Variants in SCARA5 observed in about 807,000 individuals in gnomAD.
SCARA5 encodes the protein scavenger receptor class A, member 5 (putative).
SCARA5 carries 45 observed loss-of-function variants against 46.3 expected under a neutral mutation model. The ratio of observed to expected loss-of-function variants is 0.97; its 90% CI spans 0.76 to 1.24. The LOEUF is 1.24. SCARA5 is among the 50% of genes most tolerant of loss of function. SCARA5 has a pLI of 0.00. For synonymous variants in SCARA5, 333 were observed against 306.5 expected (o/e 1.09, Z -0.90); for missense variants, 680 against 689.0 (o/e 0.99, Z 0.15).
chr8:27,975,563 G>A (rs1468592070), intron 2 of SCARA5, among the ~76,000 whole-genome samples: 1 of 152,196 alleles, frequency 6.6e-6, no homozygotes, highest in African/African-American at 2.4e-5. Flanking sequence ...AATTGAACCA[G>A]AGGACACCCA....
At chr8:27,898,533 C>T (rs1234528481) in intron 7 of SCARA5, among the ~76,000 whole-genome samples, 1 of 152,200 alleles carries the variant, frequency 6.6e-6, no homozygotes, top group African/African-American at 2.4e-5. Context: ...ATCTCCAGCT[C>T]CCAGCCAGAG....
intron 3 of SCARA5, among the ~76,000 whole-genome samples, chr8:27,956,285 C>T (rs1353302114): frequency 1.3e-5 from 2 of 152,090 alleles, no homozygotes; most frequent in African/African-American, 2.4e-5. Context: ...TACATACATC[C>T]CCAAACCCAT....
intron 4 of SCARA5, among the ~76,000 whole-genome samples, chr8:27,911,334 T>G (rs181660488): frequency 4.6e-5 from 7 of 152,264 alleles, no homozygotes; most frequent in African/African-American, 1.7e-4. Flanking sequence ...ACCCTTTATA[T>G]CCCTATACCT....
chr8:27,983,508 A>T (rs1808655121), intron 2 of SCARA5, among the ~76,000 whole-genome samples: 1 of 152,216 alleles, frequency 6.6e-6, no homozygotes, highest in African/African-American at 2.4e-5. Flanking sequence ...CCATCCTGGG[A>T]AGGAGCCTGC....
At chr8:27,972,953 C>T (rs912728790) in intron 2 of SCARA5, among the ~76,000 whole-genome samples, 3 of 152,130 alleles carry the variant, frequency 2.0e-5, no homozygotes, top group Admixed American at 6.5e-5. Flanking sequence ...TCTTTCACAC[C>T]ATCCTCATTA....
At chr8:27,918,464 G>C (rs1000990003) in intron 4 of SCARA5, among the ~76,000 whole-genome samples, 1 of 151,496 alleles carries the variant, frequency 6.6e-6, no homozygotes, top group African/African-American at 2.4e-5. Context: ...GAAAGGTTGG[G>C]GGGGGTTCAG....
chr8:27,908,652 T>C (rs1438875756), intron 5 of SCARA5, among the ~76,000 whole-genome samples: 2 of 152,200 alleles, frequency 1.3e-5, no homozygotes, highest in Non-Finnish European at 2.9e-5. Context: ...ACAACATATC[T>C]GTTCCCAGAG....
At chr8:27,893,384 A>T (rs1807016634) in intron 7 of SCARA5, among the ~76,000 whole-genome samples, 1 of 152,214 alleles carries the variant, frequency 6.6e-6, no homozygotes, top group Non-Finnish European at 1.5e-5. Context: ...CTCCTAGTGC[A>T]GACCTTAGAA....
intron 3 of SCARA5, among the ~76,000 whole-genome samples, chr8:27,962,519 A>G (rs756660196): frequency 6.6e-6 from 1 of 152,222 alleles, no homozygotes; most frequent in Non-Finnish European, 1.5e-5. Flanking sequence ...TGATGGCATT[A>G]TGCTCCTATT....
intron 7 of SCARA5, among the ~76,000 whole-genome samples, chr8:27,900,582 T>C (rs1003232243): frequency 6.6e-6 from 1 of 152,166 alleles, no homozygotes; most frequent in Non-Finnish European, 1.5e-5. Flanking sequence ...CTGCATATTT[T>C]TTTTCCATAT....
chr8:27,948,345 G>T (rs569202512), intron 3 of SCARA5, among the ~76,000 whole-genome samples: 1 of 152,118 alleles, frequency 6.6e-6, no homozygotes, highest in Non-Finnish European at 1.5e-5. Context: ...CAAGATATAT[G>T]GGCCCTCTGG....
chr8:27,890,338 G>A (rs544785078), intron 7 of SCARA5, among the ~76,000 whole-genome samples: 5 of 152,372 alleles, frequency 3.3e-5, no homozygotes, highest in Admixed American at 3.3e-4. Flanking sequence ...GGTTAAACCA[G>A]CAGGGCCCAG....
intron 7 of SCARA5, among the ~76,000 whole-genome samples, chr8:27,897,654 C>T (rs1314647835): frequency 2.0e-5 from 3 of 151,058 alleles, no homozygotes; most frequent in East Asian, 2.0e-4. Context: ...TGCCTGTGTA[C>T]GCAGAGAAGT....
intron 7 of SCARA5, among the ~76,000 whole-genome samples, chr8:27,900,042 G>A (rs187139499): frequency 6.8e-4 from 103 of 152,204 alleles, no homozygotes; most frequent in Admixed American, 3.0e-3. Flanking sequence ...GGAGGCTGAG[G>A]CAGGAGAGTC....
intron 5 of SCARA5, among the ~76,000 whole-genome samples, chr8:27,908,800 G>A (rs1807316285): frequency 6.6e-6 from 1 of 152,148 alleles, no homozygotes; most frequent in East Asian, 1.9e-4. Flanking sequence ...CTGACTTTAG[G>A]GAGGTTCCCT....
intron 3 of SCARA5, among the ~76,000 whole-genome samples, chr8:27,961,382 A>C (rs968677554): frequency 6.6e-6 from 1 of 151,956 alleles, no homozygotes; most frequent in African/African-American, 2.4e-5. Context: ...CCTACTCCCC[A>C]TTGTCTTCTG....
chr8:27,949,673 C>A (rs1461534933), intron 3 of SCARA5, among the ~76,000 whole-genome samples: 2 of 152,218 alleles, frequency 1.3e-5, no homozygotes, highest in Non-Finnish European at 1.5e-5. Flanking sequence ...TCCACCCCAA[C>A]CGCATCCCAT....
At chr8:27,888,399 A>G (rs1380461811) in intron 7 of SCARA5, among the ~76,000 whole-genome samples, 1 of 152,262 alleles carries the variant, frequency 6.6e-6, no homozygotes, top group Non-Finnish European at 1.5e-5. Flanking sequence ...ATTGCAAATC[A>G]GAAAGTCTTT....
chr8:27,885,624 T>TCTC (rs1806883205), intron 7 of SCARA5, among the ~76,000 whole-genome samples: 1 of 152,154 alleles, frequency 6.6e-6, no homozygotes, highest in Non-Finnish European at 1.5e-5. Flanking sequence ...GCAACCTGAA[T>TCTC]GGAGAATCCA....
Sources: allele counts gnomAD v4.1 joint callset (sites outside exome capture counted in the v4.1 genomes callset), GRCh38; gene constraint gnomAD v4.1.1; transcripts MANE v1.5; gene names NCBI Gene and HGNC (gene_info 2026-07-23, HGNC 2026-07-21).